IRS2: variants seen among roughly 807,000 people sequenced by gnomAD.
IRS2 encodes insulin receptor substrate 2.
A neutral mutation model predicts 70.9 loss-of-function variants in IRS2; 28 were observed. The ratio of observed to expected loss-of-function variants is 0.39; its 90% CI spans 0.29 to 0.54. The LOEUF is 0.54. Among genes scored for constraint, IRS2 ranks in the 20% least tolerant of loss-of-function variants. The pLI, the probability that IRS2 is intolerant of heterozygous loss-of-function variation, is 0.59. For missense variants in IRS2, 2,081 were observed against 2,024.1 expected (o/e 1.03, Z -0.54); for synonymous variants, 1,217 against 981.9 (o/e 1.24, Z -4.48).
chr13:109,767,473 G>C (rs1877360720), intron 1 of IRS2, among the ~76,000 whole-genome samples: 1 of 152,130 alleles, frequency 6.6e-6, no homozygotes, highest in Non-Finnish European at 1.5e-5. Context: ...GGACTGTGTG[G>C]TGATTGACAC....
chr13:109,765,337 G>A (rs1376622091), intron 1 of IRS2, among the ~76,000 whole-genome samples: 2 of 152,182 alleles, frequency 1.3e-5, no homozygotes, highest in Admixed American at 6.5e-5. Flanking sequence ...GACAGCAGCA[G>A]CTGATCACCA....
In IRS2 at chr13:109,754,593, A is replaced by T. The variant is rs534125055; in HGVS notation, c.*1711T>A. The T allele has an allele frequency of 1.5e-5, 3 of 200,384 alleles. No individual in the cohort carries two copies. The highest frequency in any genetic ancestry group is 3.8e-4 in the South Asian group (2 of 5,234). The allele number at this position is 200,384 out of a possible 1,614,324, so 12.4% of individuals were successfully genotyped here. ...CCAGCTAACATTATATGGCCTATGC[A>T]CTGCTGTGATGTATAATTTCAGAAA... On this transcript the variant is annotated 3_prime_UTR_variant, in exon 2 of 2. Transcript: ENST00000375856.
rs933113971 is a variant in IRS2 at position 109,772,927 on chromosome 13, C to T, written c.4012+9115G>A. On this transcript the variant is annotated intron_variant, in intron 1 of 1. Coordinates refer to ENST00000375856, the MANE Select transcript of IRS2 (RefSeq NM_003749.3). ...AGCCAGGATGGTCTCGATCTCCTGA[C>T]CTCATGATCCACCCGCCTCGGCCTC... Among the ~76,000 whole-genome samples the T allele has an allele frequency of 7.0e-4, 107 of 151,952 alleles. 1 individual carries two copies. Among genetic ancestry groups the T allele is most frequent in the Admixed American group, 3.6e-3 (55 of 15,276 alleles).
chr13:109,763,662 G>A (rs762557902), intron 1 of IRS2, among the ~76,000 whole-genome samples: 2 of 152,136 alleles, frequency 1.3e-5, no homozygotes, highest in Non-Finnish European at 2.9e-5. Context: ...CATTAAAATC[G>A]CAAATAGCCA....
At position 109,786,441 on chromosome 13, in the gene IRS2, C is replaced by G. The variant is rs961759640; in HGVS notation, c.-388G>C. On this transcript the variant is annotated 5_prime_UTR_variant, in exon 1 of 2. Transcript: ENST00000375856. This position sits in a 1 kb window ranked among gnomAD's most constrained non-coding sequence, Gnocchi z 4.4. ...GCGGCCGCACCGGGGCTGCTGCCGC[C>G]GCGTCGCGCTCCGGGAAGCCGGGGT... The G allele has an allele frequency of 3.4e-5, 5 of 147,726 alleles. No individual in the cohort carries two copies. Among genetic ancestry groups the G allele is most frequent in the Admixed American group, 6.8e-5 (1 of 14,792 alleles). The allele number at this position is 147,726 out of a possible 1,614,324, so 9.2% of individuals were successfully genotyped here.
intron 1 of IRS2, among the ~76,000 whole-genome samples, chr13:109,774,186 T>C (rs1478290563): frequency 6.6e-6 from 1 of 152,184 alleles, no homozygotes; most frequent in East Asian, 1.9e-4. Context: ...ATATACAGTT[T>C]GCTTTACCAA....
rs561581558 is a variant in IRS2 at position 109,757,004 on chromosome 13, A to C, written c.4013-696T>G. ...TCAAACTTTCATATGTTCCAGTTTA[A>C]GTAATTTACCCTTTCGCTGTGCTCA... is the stretch of plus-strand genomic sequence containing the variant. On this transcript the variant is annotated intron_variant, in intron 1 of 1. Coordinates refer to ENST00000375856, the MANE Select transcript of IRS2 (RefSeq NM_003749.3). Among the ~76,000 whole-genome samples, 6 of 152,320 alleles carry C rather than the reference A, an allele frequency of 3.9e-5. No homozygotes were observed. In the South Asian group the frequency reaches 1.2e-3, roughly 32 times the overall value.
At chr13:109,763,415 T>G (rs1289518977) in intron 1 of IRS2, among the ~76,000 whole-genome samples, 1 of 152,130 alleles carries the variant, frequency 6.6e-6, no homozygotes, top group Non-Finnish European at 1.5e-5. Context: ...GAATTTCTCT[T>G]AGCTACCGCT....
chr13:109,769,639 C>G (rs1035829084), intron 1 of IRS2, among the ~76,000 whole-genome samples: 19 of 152,204 alleles, frequency 1.2e-4, no homozygotes, highest in African/African-American at 4.6e-4. Context: ...ACCTGTAGTG[C>G]TTCATCTCCT....
rs1416717682 is a variant in IRS2, at chr13:109,754,269, T to C, written c.*2035A>G. 1 of 229,396 alleles carries C rather than the reference T, an allele frequency of 4.4e-6. No homozygotes were observed. Among genetic ancestry groups the C allele is most frequent in the Non-Finnish European group, 8.7e-6 (1 of 115,430 alleles). The allele number at this position is 229,396 out of a possible 1,614,324, so 14.2% of individuals were successfully genotyped here. A position where few individuals can be genotyped will look rare whatever the true frequency, so the allele number is the denominator to read the frequency against. The stretch of plus-strand genomic sequence containing the variant: ...AAATGTAAATATTGCATATGCCTTT[T>C]TGTGAAATGTACAGGATAGAGGAAA... On this transcript the variant is annotated 3_prime_UTR_variant, in exon 2 of 2. Coordinates refer to ENST00000375856, the MANE Select transcript of IRS2 (RefSeq NM_003749.3).
chr13:109,756,360 T>C, intron 1 of IRS2, 52 bp from the exon 2 acceptor site: 1 of 1,568,722 alleles, frequency 6.4e-7, no homozygotes, highest in South Asian at 1.1e-5. Context: ...AACAGAGCAA[T>C]CTCTGGAGTT....
At chr13:109,773,601 T>G (rs56920445) in intron 1 of IRS2, among the ~76,000 whole-genome samples, 1 of 152,130 alleles carries the variant, frequency 6.6e-6, no homozygotes, top group African/African-American at 2.4e-5. Context: ...TTTTCTTTGA[T>G]AAAGTAAATA....
chr13:109,773,280 T>TAA (rs1160200332), intron 1 of IRS2, among the ~76,000 whole-genome samples: 1 of 152,196 alleles, frequency 6.6e-6, no homozygotes, highest in African/African-American at 2.4e-5. Context: ...AACAACTGAT[T>TAA]AGTTAGTTAT....
intron 1 of IRS2, among the ~76,000 whole-genome samples, chr13:109,777,820 T>C (rs1311885724): frequency 6.6e-6 from 1 of 152,244 alleles, no homozygotes; most frequent in Non-Finnish European, 1.5e-5. Flanking sequence ...TTTTCCCTAA[T>C]TGTTACTTTA....
chr13:109,772,677 T>C (rs1286378913), intron 1 of IRS2, among the ~76,000 whole-genome samples: 2 of 147,020 alleles, frequency 1.4e-5, no homozygotes. Flanking sequence ...GGCCACAGAT[T>C]TGCCTATTAC....
At position 109,756,317 on chromosome 13, in the gene IRS2, G is replaced by A; in HGVS notation, c.4013-9C>T. On this transcript the variant is annotated splice_polypyrimidine_tract_variant and intron_variant, in intron 1 of 1. Transcript: ENST00000375856. ...CCAGACAGATCTTCACTCTGAAAAA[G>A]AAAGGAGGGAAGTTAGCAGAGACCC... The A allele has an allele frequency of 2.5e-6, 4 of 1,611,872 alleles. No homozygotes were observed. Among genetic ancestry groups the A allele is most frequent in the Non-Finnish European group, 3.4e-6 (4 of 1,177,922 alleles).
At chr13:109,769,552 CCT>C (rs1477654964) in intron 1 of IRS2, among the ~76,000 whole-genome samples, 4 of 152,164 alleles carry the variant, frequency 2.6e-5, no homozygotes, top group Non-Finnish European at 5.9e-5. Context: ...ACCGGCTTCC[CCT>C]GACCTTCAGG....
In IRS2 at chr13:109,783,377, G is replaced by A. The variant is rs1877786821; in HGVS notation, c.2677C>T (p.Leu893=). 2.0e-6 allele frequency: 3 copies of A among 1,519,138 alleles called. No individual in the cohort carries two copies. The highest frequency in any genetic ancestry group is 2.6e-6 in the Non-Finnish European group (3 of 1,144,434). 94.1% of individuals were successfully genotyped at this position (1,519,138 alleles called of 1,614,324 possible). The change falls in exon 1 of 2, where the codon CTG becomes TTG. Residue 893 remains leucine (L), a synonymous_variant. Transcript: ENST00000375856. ...QRGRAVRPTR[L]SLEGLPSLPS... ...AGGCTGGGCAGCCCCTCCAGGGACAGGCGCGTGGGCCTCACCGCCCGGCCG... is the reference window on the plus strand; with the variant it reads ...AGGCTGGGCAGCCCCTCCAGGGACAAGCGCGTGGGCCTCACCGCCCGGCCG...
At chr13:109,774,700 CCACA>C (rs1409441939) in intron 1 of IRS2, among the ~76,000 whole-genome samples, 2 of 152,142 alleles carry the variant, frequency 1.3e-5, no homozygotes, top group East Asian at 3.9e-4. Context: ...TCTGGCCTCT[CCACA>C]CTGTAGGTTC....
Sources: allele counts gnomAD v4.1 joint callset (sites outside exome capture counted in the v4.1 genomes callset), GRCh38; gene constraint gnomAD v4.1.1; non-coding constraint Gnocchi (gnomAD v3.1); transcripts MANE v1.5; gene names NCBI Gene and HGNC (gene_info 2026-07-23, HGNC 2026-07-21).